Variants in LRRC75A observed in about 807,000 individuals in gnomAD.
LRRC75A encodes leucine rich repeat containing 75A.
Under a neutral mutation model 26.0 loss-of-function variants are expected in LRRC75A, and 12 were observed. The observed-to-expected ratio is 0.46, with a 90% CI of 0.30 to 0.75. LRRC75A has a LOEUF of 0.75. LRRC75A is among the 30% of genes least tolerant of loss of function. The probability of loss-of-function intolerance (pLI) is 0.08; values close to 1 mark genes in which losing one functional copy is unlikely to be tolerated. For missense variants in LRRC75A, 410 were observed against 486.6 expected (o/e 0.84, Z 1.48); for synonymous variants, 223 against 219.3 (o/e 1.02, Z -0.15).
rs1360334223 is a variant in LRRC75A at position 16,442,838 on chromosome 17, T to C, written c.*750A>G. On this transcript the variant is annotated 3_prime_UTR_variant, in exon 4 of 4. Coordinates refer to ENST00000470794, the MANE Select transcript of LRRC75A (RefSeq NM_001113567.3). ...AGAGCCCACATAGAAGTCTGGTAGTTTTTCAGCCAGCAGTGGGTAGGGAAG... is the reference window on the plus strand; with the variant it reads ...AGAGCCCACATAGAAGTCTGGTAGTCTTTCAGCCAGCAGTGGGTAGGGAAG... 1 of 152,208 alleles carries C rather than the reference T, an allele frequency of 6.6e-6. No individual in the cohort carries two copies. The highest frequency in any genetic ancestry group is 1.5e-5 in the Non-Finnish European group (1 of 68,040). The allele number at this position is 152,208 out of a possible 1,614,324, so 9.4% of individuals were successfully genotyped here.
At chr17:16,448,767 A>T (rs2093607259) in intron 2 of LRRC75A, among the ~76,000 whole-genome samples, 2 of 152,224 alleles carry the variant, frequency 1.3e-5, no homozygotes, top group Non-Finnish European at 2.9e-5. Flanking sequence ...CAACCACTTG[A>T]GGACACAGGA....
chr17:16,467,263 C>A (rs1031081721), intron 1 of LRRC75A, among the ~76,000 whole-genome samples: 2 of 152,212 alleles, frequency 1.3e-5, no homozygotes, highest in African/African-American at 4.8e-5. Flanking sequence ...AAGTGATGCT[C>A]CTGTCTCAGC....
At chr17:16,477,367 G>A (rs1233150690) in intron 1 of LRRC75A, among the ~76,000 whole-genome samples, 4 of 152,236 alleles carry the variant, frequency 2.6e-5, no homozygotes, top group Non-Finnish European at 5.9e-5. Context: ...AGACCTCCAA[G>A]AATCTGGATT....
At chr17:16,483,276 G>A (rs1233959639) in intron 1 of LRRC75A, among the ~76,000 whole-genome samples, 1 of 152,244 alleles carries the variant, frequency 6.6e-6, no homozygotes, top group Non-Finnish European at 1.5e-5. Context: ...AAAGTCTGCA[G>A]GTTCCCTGGT....
intron 2 of LRRC75A, chr17:16,461,260 C>A (rs1012158008): frequency 2.6e-5 from 4 of 152,294 alleles, no homozygotes; most frequent in Non-Finnish European, 2.9e-5. Flanking sequence ...GCTTGGGAAC[C>A]ATCTCACTCC....
chr17:16,488,036 C>T (rs543052161), intron 1 of LRRC75A, among the ~76,000 whole-genome samples: 11 of 152,364 alleles, frequency 7.2e-5, no homozygotes, highest in South Asian at 2.1e-4. Flanking sequence ...TGCTCCATGA[C>T]GCAGGCCGAC....
intron 1 of LRRC75A, among the ~76,000 whole-genome samples, chr17:16,479,350 C>A (rs1209265387): frequency 6.6e-6 from 1 of 152,204 alleles, no homozygotes; most frequent in Non-Finnish European, 1.5e-5. Flanking sequence ...AGGCTGTGCC[C>A]AAGAAGATGC....
intron 1 of LRRC75A, among the ~76,000 whole-genome samples, chr17:16,481,328 C>A (rs2093833406): frequency 6.6e-6 from 1 of 152,150 alleles, no homozygotes; most frequent in South Asian, 2.1e-4. Context: ...CTCTCTGTGG[C>A]CCCTGCTCTC....
In LRRC75A at chr17:16,456,330, AGAG is replaced by A. The variant is rs1433857896; in HGVS notation, c.375+5925_375+5927del. Among the ~76,000 whole-genome samples, 35 of 98,248 alleles carry A rather than the reference AGAG, an allele frequency of 3.6e-4. 1 individual carries two copies. Among genetic ancestry groups the A allele is most frequent in the Admixed American group, 2.1e-3 (21 of 10,122 alleles). The allele number at this position is 98,248 out of a possible 152,430, so 64.5% of individuals were successfully genotyped here. On this transcript the variant is annotated intron_variant, in intron 2 of 3. Transcript: ENST00000470794. ...AGGAGGAGGAAGAGGAGAAGAAGGA[AGAG>A]GAGGAGGAAGAGAAGGAAGAGGAGG... is the stretch of plus-strand genomic sequence containing the variant.
intron 1 of LRRC75A, chr17:16,464,135 A>G (rs888347544): frequency 2.6e-5 from 4 of 152,186 alleles, no homozygotes; most frequent in Admixed American, 2.6e-4. Context: ...AGGACACAAG[A>G]GGCCAGTTGT....
intron 1 of LRRC75A, among the ~76,000 whole-genome samples, chr17:16,490,346 C>A (rs1218812860): frequency 6.6e-6 from 1 of 152,204 alleles, no homozygotes; most frequent in Non-Finnish European, 1.5e-5. Context: ...GGCCATATGT[C>A]AGCTTCCAAT....
intron 1 of LRRC75A, among the ~76,000 whole-genome samples, chr17:16,490,986 G>C (rs1419932477): frequency 6.6e-6 from 1 of 152,252 alleles, no homozygotes. Context: ...GATAGCATTA[G>C]CCTCAGGGCA....
In LRRC75A at chr17:16,471,290, G is replaced by T. The variant is rs555410734; in HGVS notation, c.247-8904C>A. On this transcript the variant is annotated intron_variant, in intron 1 of 3. Transcript: ENST00000470794. ...CCCCTGGAATCTCTGGATGGACACG[G>T]CCCTGCCGACACTCTCATCTCAGAC... Among the ~76,000 whole-genome samples the T allele has an allele frequency of 4.6e-5, 7 of 152,324 alleles. No individual in the cohort carries two copies. In the South Asian group the frequency reaches 1.5e-3, roughly 32 times the overall value.
chr17:16,488,304 T>C (rs1165115552), intron 1 of LRRC75A, among the ~76,000 whole-genome samples: 1 of 152,218 alleles, frequency 6.6e-6, no homozygotes, highest in Admixed American at 6.5e-5. Flanking sequence ...TCCACGAGCA[T>C]TCGCTCCAGA....
chr17:16,474,897 G>A (rs2093816022), intron 1 of LRRC75A, among the ~76,000 whole-genome samples: 1 of 151,674 alleles, frequency 6.6e-6, no homozygotes, highest in Admixed American at 6.6e-5. Context: ...GGAGGCTGAG[G>A]CAGGAGAATG....
intron 2 of LRRC75A, 80 bp from the exon 3 acceptor site, chr17:16,448,040 G>C (rs754870279): frequency 1.5e-6 from 2 of 1,305,108 alleles, no homozygotes; most frequent in South Asian, 2.5e-5. Flanking sequence ...TGTCTCCCGG[G>C]TAAGAGCCCA....
intron 1 of LRRC75A, among the ~76,000 whole-genome samples, chr17:16,484,355 AC>A (rs1323739567): frequency 3.6e-5 from 5 of 140,214 alleles, no homozygotes; most frequent in African/African-American, 5.6e-5. Context: ...AAACAAACAA[AC>A]AAACAAAAAA....
chr17:16,445,698 G>A (rs534625721), intron 3 of LRRC75A, among the ~76,000 whole-genome samples: 25 of 152,338 alleles, frequency 1.6e-4, no homozygotes, highest in African/African-American at 5.3e-4. Flanking sequence ...CTCTCAAGGC[G>A]TGACATTTAA....
At position 16,491,865 on chromosome 17, in the gene LRRC75A, C is replaced by A. The variant is rs757551857; in HGVS notation, c.126G>T (p.Gly42=). The change falls in exon 1 of 4, where the codon GGG becomes GGT. Residue 42 remains glycine, a synonymous_variant. Transcript: ENST00000470794. The surrounding 1 kb of genome is among the most constrained non-coding windows in gnomAD (Gnocchi z 5.9). Reference sequence around the variant, plus strand: ...AGGGGGGCATCCCCGCGCCCGCGCGCCCCGCCTTGTCCCCGGCGCGCAGCA... The same window carrying A: ...AGGGGGGCATCCCCGCGCCCGCGCGACCCGCCTTGTCCCCGGCGCGCAGCA... ...SLLLRAGDKA[G]RAGAGMPPYH... 3.6e-6 allele frequency: 5 copies of A among 1,388,538 alleles called. No individual in the cohort carries two copies. Among genetic ancestry groups the A allele is most frequent in the South Asian group, 1.5e-5 (1 of 66,302 alleles). The allele number at this position is 1,388,538 out of a possible 1,614,324, so 86.0% of individuals were successfully genotyped here.
Sources: gnomAD v4.1 joint callset for allele counts (sites outside exome capture counted in the v4.1 genomes callset) on GRCh38, gnomAD v4.1.1 for gene constraint, Gnocchi (gnomAD v3.1) non-coding constraint, MANE v1.5 for transcripts, NCBI Gene and HGNC (gene_info 2026-07-23, HGNC 2026-07-21) for gene names.